HCN1: variants seen among roughly 807,000 people sequenced by gnomAD.
The protein encoded by HCN1 is potassium/sodium hyperpolarization-activated cyclic nucleotide-gated channel 1.
A neutral mutation model predicts 78.9 loss-of-function variants in HCN1; 13 were observed. The observed-to-expected ratio is 0.16, with a 90% CI of 0.11 to 0.26. The LOEUF (loss-of-function observed/expected upper bound fraction) is 0.26. Among genes scored for constraint, HCN1 ranks in the 10% least tolerant of loss-of-function variants. The probability of loss-of-function intolerance (pLI) is 1.00; values close to 1 mark genes in which losing one functional copy is unlikely to be tolerated. For synonymous variants in HCN1, 552 were observed against 455.5 expected (o/e 1.21, Z -2.70); for missense variants, 810 against 1,154.3 (o/e 0.70, Z 4.32).
At chr5:45,593,916 T>A (rs1195411290) in intron 2 of HCN1, among the ~76,000 whole-genome samples, 1 of 152,136 alleles carries the variant, frequency 6.6e-6, no homozygotes, top group Non-Finnish European at 1.5e-5. Flanking sequence ...CTTCAAATGA[T>A]CCACCTGCTT....
chr5:45,545,428 C>T (rs1743195131), intron 2 of HCN1, among the ~76,000 whole-genome samples: 1 of 152,284 alleles, frequency 6.6e-6, no homozygotes, highest in Admixed American at 6.5e-5. Context: ...GTTTCTTTTG[C>T]TGTGCAGAAG....
intron 2 of HCN1, chr5:45,480,218 A>T (rs1242729348): frequency 6.6e-6 from 1 of 152,438 alleles, no homozygotes; most frequent in Non-Finnish European, 1.5e-5. Flanking sequence ...TTCTACATCT[A>T]GCAACCTTTT....
At chr5:45,643,517 T>C (rs1745493384) in intron 2 of HCN1, 1 of 152,132 alleles carries the variant, frequency 6.6e-6, no homozygotes, top group Non-Finnish European at 1.5e-5. Context: ...AATGGTAGAA[T>C]ATTAAGATAT....
chr5:45,255,042 T>C lies in HCN1; in HGVS notation c.*6879A>G, dbSNP rs936868384. On this transcript the variant is annotated 3_prime_UTR_variant, in exon 8 of 8. Transcript: ENST00000303230. Reference sequence around the variant, plus strand: ...CAATGGACACATTGTACTGATGTGATATTAAGAAACATTGCTAGCTATGGC... The same window carrying C: ...CAATGGACACATTGTACTGATGTGACATTAAGAAACATTGCTAGCTATGGC... The C allele has an allele frequency of 6.6e-6, 1 of 152,228 alleles. No individual in the cohort carries two copies. Among genetic ancestry groups the C allele is most frequent in the Admixed American group, 6.5e-5 (1 of 15,288 alleles). 9.4% of individuals were successfully genotyped at this position (152,228 alleles called of 1,614,324 possible). A position where few individuals can be genotyped will look rare whatever the true frequency, so the allele number is the denominator to read the frequency against.
chr5:45,342,565 T>TA (rs1475155551), intron 5 of HCN1, among the ~76,000 whole-genome samples: 2 of 152,196 alleles, frequency 1.3e-5, no homozygotes, highest in South Asian at 2.1e-4. Flanking sequence ...TAACAAAATA[T>TA]AAAAAATTGA....
intron 3 of HCN1, among the ~76,000 whole-genome samples, chr5:45,460,567 T>A (rs1364845904): frequency 6.6e-6 from 1 of 151,992 alleles, no homozygotes; most frequent in Non-Finnish European, 1.5e-5. Context: ...TAAAAGTGTA[T>A]ATACATACAC....
chr5:45,285,923 A>T (rs1023338851), intron 6 of HCN1, among the ~76,000 whole-genome samples: 5 of 152,020 alleles, frequency 3.3e-5, no homozygotes, highest in Non-Finnish European at 5.9e-5. Flanking sequence ...GATGTTTGCC[A>T]TCAGTTCCTC....
intron 2 of HCN1, among the ~76,000 whole-genome samples, chr5:45,542,944 A>G (rs997331820): frequency 1.3e-5 from 2 of 152,142 alleles, no homozygotes; most frequent in African/African-American, 4.8e-5. Context: ...AAAGATACAG[A>G]GGTATGCAAC....
chr5:45,673,024 T>A, intron 1 of HCN1, among the ~76,000 whole-genome samples: 1 of 151,682 alleles, frequency 6.6e-6, no homozygotes, highest in Non-Finnish European at 1.5e-5. Context: ...TGTTCCAGCA[T>A]GCTGTCCAGG....
intron 2 of HCN1, among the ~76,000 whole-genome samples, chr5:45,501,148 T>A (rs1742178248): frequency 6.6e-6 from 1 of 152,290 alleles, no homozygotes; most frequent in East Asian, 1.9e-4. Context: ...ACAAAATGAT[T>A]ACAGTCTTCC....
At chr5:45,316,159 C>A (rs952712433) in intron 5 of HCN1, among the ~76,000 whole-genome samples, 19 of 152,250 alleles carry the variant, frequency 1.2e-4, no homozygotes, top group African/African-American at 4.3e-4. Context: ...ATGCAAAAAT[C>A]TTCAATAAAA....
chr5:45,479,429 T>A (rs1741595165), intron 2 of HCN1, among the ~76,000 whole-genome samples: 1 of 152,190 alleles, frequency 6.6e-6, no homozygotes, highest in South Asian at 2.1e-4. Context: ...TTAACTACAT[T>A]GAATAATTAA....
intron 6 of HCN1, among the ~76,000 whole-genome samples, chr5:45,291,459 T>G (rs1221320301): frequency 6.6e-6 from 1 of 152,074 alleles, no homozygotes; most frequent in African/African-American, 2.4e-5. Flanking sequence ...CACCTCTGTT[T>G]TCACTTCAGG....
At chr5:45,427,273 A>C (rs182603153) in intron 3 of HCN1, among the ~76,000 whole-genome samples, 1 of 152,044 alleles carries the variant, frequency 6.6e-6, no homozygotes, top group African/African-American at 2.4e-5. Flanking sequence ...TTTAAATGTC[A>C]AAAGCAAAAC....
rs946394330 is a variant in HCN1 at position 45,576,987 on chromosome 5, T to C, written c.849+68198A>G. On this transcript the variant is annotated intron_variant, in intron 2 of 7. Transcript: ENST00000303230. ...TAAAGCATTCTTTTTATAAATGTTT[T>C]TGATGTCTCTGTACCAAATGAATGA... Among the ~76,000 whole-genome samples, 5 of 152,096 alleles carry C rather than the reference T, an allele frequency of 3.3e-5. No homozygotes were observed. In the South Asian group the frequency reaches 6.2e-4, roughly 19 times the overall value.
At position 45,261,766 on chromosome 5, in the gene HCN1, A is replaced by T; in HGVS notation, c.*155T>A. The T allele has an allele frequency of 2.5e-6, 2 of 808,534 alleles. No homozygotes were observed. Among genetic ancestry groups the T allele is most frequent in the Non-Finnish European group, 4.0e-6 (2 of 496,652 alleles). The allele number at this position is 808,534 out of a possible 1,614,324, so 50.1% of individuals were successfully genotyped here. On this transcript the variant is annotated 3_prime_UTR_variant, in exon 8 of 8. Transcript: ENST00000303230. ...TAGATATATATTTTATAGTATATGT[A>T]TATATATTTTTACATTTCACGTGTA... is the stretch of plus-strand genomic sequence containing the variant.
intron 5 of HCN1, among the ~76,000 whole-genome samples, chr5:45,305,432 G>A (rs912067180): frequency 4.6e-5 from 7 of 152,042 alleles, no homozygotes; most frequent in African/African-American, 1.7e-4. Context: ...TTACAAATAA[G>A]CAACAATAAT....
intron 2 of HCN1, among the ~76,000 whole-genome samples, chr5:45,585,620 GC>G (rs112912342): frequency 6.6e-6 from 1 of 152,138 alleles, no homozygotes; most frequent in African/African-American, 2.4e-5. Context: ...AGAGTTTCTA[GC>G]TTTTCTGCTC....
chr5:45,464,407 ATACAGTAACTC>A (rs1359753205), intron 2 of HCN1, among the ~76,000 whole-genome samples: 1 of 152,158 alleles, frequency 6.6e-6, no homozygotes, highest in Non-Finnish European at 1.5e-5. Context: ...TGCTGGCTTC[ATACAGTAACTC>A]TACTATCTTT....
Sources: gnomAD v4.1 joint callset for allele counts (sites outside exome capture counted in the v4.1 genomes callset) on GRCh38, gnomAD v4.1.1 for gene constraint, MANE v1.5 for transcripts, NCBI Gene and HGNC (gene_info 2026-07-23, HGNC 2026-07-21) for gene names.